Variants in XDH observed in about 807,000 individuals in gnomAD.
XDH encodes the protein xanthine dehydrogenase.
In XDH, 138 loss-of-function variants were observed where a neutral mutation model predicts 156.1. The ratio of observed to expected loss-of-function variants is 0.88; its 90% CI spans 0.77 to 1.02. XDH has a LOEUF of 1.02. Among genes scored for constraint, XDH ranks in the 50% least tolerant of loss-of-function variants. The probability of loss-of-function intolerance (pLI) is 0.00; values close to 1 mark genes in which losing one functional copy is unlikely to be tolerated. For missense variants in XDH, 1,849 were observed against 1,684.9 expected, an observed-to-expected ratio of 1.10 and a Z score of -1.71; for synonymous variants, 669 against 625.7, an observed-to-expected ratio of 1.07 and a Z score of -1.03.
At chr2:31,337,585 T>C (rs1254069097) in intron 35 of XDH, 56 bp downstream of exon 35, 4 of 1,611,784 alleles carry the variant, frequency 2.5e-6, no homozygotes, top group Non-Finnish European at 3.4e-6. Context: ...CCCTGCAGTT[T>C]GCCAGCCTAT....
Position 31,383,045 on chromosome 2 carries a change from C to A in XDH, c.994G>T (p.Glu332Ter). ...QKTEVFRGVL[E>*]QLRWFAGKQV... ...TTCCCAGCAAACCAGCGCAGCTGCT[C>A]CAGGACCCCTCTGAACACCTCTGTC... Residue 332 changes from glutamate to a stop codon, truncating the protein, a stop_gained, in exon 11 of 36, where the codon GAG (glutamate) becomes TAG (stop). Coordinates refer to ENST00000379416, the MANE Select transcript of XDH (RefSeq NM_000379.4). LOFTEE classifies it high-confidence loss of function. 6.2e-7 allele frequency: 1 copy of A among 1,614,168 alleles called. No homozygotes were observed. The highest frequency in any genetic ancestry group is 8.5e-7 in the Non-Finnish European group (1 of 1,180,038).
At chr2:31,357,306 C>G (rs1334563622) in intron 24 of XDH, among the ~76,000 whole-genome samples, 1 of 152,032 alleles carries the variant, frequency 6.6e-6, no homozygotes, top group East Asian at 1.9e-4. Flanking sequence ...GAAACAAAAA[C>G]CCGGGTCTTT....
rs1684959034 is a variant in XDH, at chr2:31,335,927, G to T, written c.*31C>A. 1.2e-6 allele frequency: 2 copies of T among 1,613,600 alleles called. No individual in the cohort carries two copies. Among genetic ancestry groups the T allele is most frequent in the Non-Finnish European group, 1.7e-6 (2 of 1,179,484 alleles). ...CCTGCTCCATGGAAGCCCAAAGGCAGCACAAGAAGACTCTGCTGAGGACTC... is the reference window on the plus strand; with the variant it reads ...CCTGCTCCATGGAAGCCCAAAGGCATCACAAGAAGACTCTGCTGAGGACTC... On this transcript the variant is annotated 3_prime_UTR_variant, in exon 36 of 36. Coordinates refer to ENST00000379416, the MANE Select transcript of XDH (RefSeq NM_000379.4).
chr2:31,406,106 T>A lies in XDH; in HGVS notation c.43-142A>T, dbSNP rs1166472602. 4.2e-6 allele frequency: 4 copies of A among 942,506 alleles called. No individual in the cohort carries two copies. In the East Asian group the frequency reaches 1.0e-4, roughly 25 times the overall value. 58.4% of individuals were successfully genotyped at this position (942,506 alleles called of 1,614,324 possible). ...ATAGTTTGCACTCTGCCCCTCTAAA[T>A]CTCATGTTTAATTGTAATCCCCAGT... On this transcript the variant is annotated intron_variant, in intron 1 of 35. Transcript: ENST00000379416.
chr2:31,385,690 A>C (rs537084611), intron 9 of XDH, among the ~76,000 whole-genome samples: 1 of 152,216 alleles, frequency 6.6e-6, no homozygotes, highest in Non-Finnish European at 1.5e-5. Flanking sequence ...CTCTTACAGC[A>C]CTGGGGCTGA....
intron 6 of XDH, among the ~76,000 whole-genome samples, chr2:31,391,123 AT>A (rs1028181992): frequency 6.6e-6 from 1 of 152,038 alleles, no homozygotes; most frequent in African/African-American, 2.4e-5. Context: ...TAGGTTTATG[AT>A]TCATTTTGAG....
intron 24 of XDH, among the ~76,000 whole-genome samples, chr2:31,363,397 T>C (rs1330828822): frequency 6.6e-6 from 1 of 152,126 alleles, no homozygotes; most frequent in African/African-American, 2.4e-5. Flanking sequence ...CTACATAGTG[T>C]ATGGTTCTAT....
At chr2:31,383,987 T>C (rs1183749460) in intron 9 of XDH, 140 bp from the exon 10 acceptor site, 1 of 816,392 alleles carries the variant, frequency 1.2e-6, no homozygotes, top group African/African-American at 1.7e-5. Flanking sequence ...TGTAGGTGTC[T>C]GGGAATAGGA....
Position 31,402,173 on chromosome 2 carries a change from CT to C in XDH, c.198-846del, listed in dbSNP as rs45447899. Among the ~76,000 whole-genome samples, 1,000 of 152,246 alleles carry C rather than the reference CT, an allele frequency of 6.6e-3. 8 individuals carry two copies. Among genetic ancestry groups the C allele is most frequent in the Admixed American group, 0.011 (161 of 15,292 alleles). ...GAATATCTTTATATTAAAAAAAAGC[CT>C]TACGATCAACCAATCAGAAGTAGTC... On this transcript the variant is annotated intron_variant, in intron 3 of 35. Transcript: ENST00000379416.
intron 30 of XDH, among the ~76,000 whole-genome samples, chr2:31,345,362 A>G (rs1685253109): frequency 6.6e-6 from 1 of 152,170 alleles, no homozygotes; most frequent in Admixed American, 6.5e-5. Flanking sequence ...GTGCTTTTAC[A>G]TATGCTTTCC....
chr2:31,372,874 A>C (rs1238665358), intron 16 of XDH, among the ~76,000 whole-genome samples: 1 of 152,172 alleles, frequency 6.6e-6, no homozygotes, highest in Non-Finnish European at 1.5e-5. Flanking sequence ...GAATTAAACA[A>C]AAATATAATA....
chr2:31,403,274 GGCAGCA>G (rs1687110420), intron 2 of XDH, 130 bp from the exon 3 acceptor site: 1 of 969,138 alleles, frequency 1.0e-6, no homozygotes, highest in African/African-American at 1.6e-5. Flanking sequence ...AACCAAGGAA[GGCAGCA>G]GGCCCACTGG....
In XDH at chr2:31,335,906, C is replaced by T. The variant is rs1452683255; in HGVS notation, c.*52G>A. Reference sequence around the variant, plus strand: ...CATGTTCTGTGGTATGTTCCTCCTGCTCCATGGAAGCCCAAAGGCAGCACA... The same window carrying T: ...CATGTTCTGTGGTATGTTCCTCCTGTTCCATGGAAGCCCAAAGGCAGCACA... On this transcript the variant is annotated 3_prime_UTR_variant, in exon 36 of 36. Coordinates refer to ENST00000379416, the MANE Select transcript of XDH (RefSeq NM_000379.4). 5.0e-6 allele frequency: 8 copies of T among 1,586,164 alleles called. No individual in the cohort carries two copies. The highest frequency in any genetic ancestry group is 1.7e-5 in the Admixed American group (1 of 59,990).
At position 31,348,171 on chromosome 2, in the gene XDH, C is replaced by T. The variant is rs1005964526; in HGVS notation, c.3147+97G>A. 6 of 1,266,478 alleles carry T rather than the reference C, an allele frequency of 4.7e-6. No individual in the cohort carries two copies. In the East Asian group the frequency reaches 9.8e-5, roughly 21 times the overall value. The allele number at this position is 1,266,478 out of a possible 1,614,324, so 78.5% of individuals were successfully genotyped here. A position where few individuals can be genotyped will look rare whatever the true frequency, so the allele number is the denominator to read the frequency against. ...CATAAGCAACAGGGCCAGGGCCAGA[C>T]CCCGGGCCTGCTTCTGCTCTGATAG... On this transcript the variant is annotated intron_variant, in intron 28 of 35. Transcript: ENST00000379416.
chr2:31,372,003 G>A lies in XDH; in HGVS notation c.1856+225C>T, dbSNP rs1298571630. ...TGCCACTTACCAACTGTGTGGCCTG[G>A]GGCAAGTAACATACCCTGCTTGTGC... is the stretch of plus-strand genomic sequence containing the variant. On this transcript the variant is annotated intron_variant, in intron 17 of 35. Coordinates refer to ENST00000379416, the MANE Select transcript of XDH (RefSeq NM_000379.4). Among the ~76,000 whole-genome samples the A allele has an allele frequency of 2.0e-5, 3 of 152,304 alleles. No homozygotes were observed. In the East Asian group the frequency reaches 5.8e-4, roughly 29 times the overall value.
chr2:31,383,192 A>G, intron 10 of XDH, 40 bp from the exon 11 acceptor site: 1 of 1,613,880 alleles, frequency 6.2e-7, no homozygotes, highest in Non-Finnish European at 8.5e-7. Flanking sequence ...TTCTTCCCAC[A>G]GTTCAGAAGA....
intron 10 of XDH, 95 bp downstream of exon 10, chr2:31,383,660 C>G: frequency 8.4e-7 from 1 of 1,189,060 alleles, no homozygotes; most frequent in Non-Finnish European, 1.2e-6. Context: ...GCAGCCAGAG[C>G]CAGTGGGGAG....
chr2:31,365,838 C>T, intron 22 of XDH, 138 bp downstream of exon 22: 1 of 1,452,648 alleles, frequency 6.9e-7, no homozygotes, highest in Non-Finnish European at 9.4e-7. Context: ...CCCAAGGGTT[C>T]TAAAAACAGA....
At position 31,377,195 on chromosome 2, in the gene XDH, C is replaced by T. The variant is rs747910251; in HGVS notation, c.1285G>A (p.Asp429Asn). ...SAFKQASRRE[D>N]DIAKVTSGMR... ...CCACTGGTTACCTTGGCAATGTCAT[C>T]TTCTCTCCGGGAGGCCTGCTTGAAT... The change falls in exon 14 of 36, where the codon GAT (aspartate) becomes AAT (asparagine). Residue 429 changes from aspartate to asparagine, a missense_variant. Transcript: ENST00000379416. 1.8e-5 allele frequency: 29 copies of T among 1,614,178 alleles called. No homozygotes were observed. Among genetic ancestry groups the T allele is most frequent in the Non-Finnish European group, 2.5e-5 (29 of 1,180,048 alleles).
Sources: gnomAD v4.1 joint callset for allele counts (sites outside exome capture counted in the v4.1 genomes callset) on GRCh38, gnomAD v4.1.1 for gene constraint, MANE v1.5 for transcripts, NCBI Gene and HGNC (gene_info 2026-07-23, HGNC 2026-07-21) for gene names.